Variants in RALB observed in about 807,000 individuals in gnomAD.
The protein encoded by RALB is ras-related protein Ral-B.
Under a neutral mutation model 21.3 loss-of-function variants are expected in RALB, and 16 were observed. The ratio of observed to expected loss-of-function variants is 0.75; its 90% confidence interval spans 0.51 to 1.14. The LOEUF (loss-of-function observed/expected upper bound fraction) is 1.14, where lower values mean the gene tolerates loss of function less well. Ranked by LOEUF, RALB falls within the 50% of genes most tolerant of loss-of-function variation. The pLI, the probability that RALB is intolerant of heterozygous loss-of-function variation, is 0.00. For synonymous variants in RALB, 93 were observed against 96.1 expected, an observed-to-expected ratio of 0.97 and a Z score of 0.19; for missense variants, 161 against 256.2, an observed-to-expected ratio of 0.63 and a Z score of 2.54.
intron 1 of RALB, among the ~76,000 whole-genome samples, chr2:120,264,974 A>G (rs1056315197): frequency 2.6e-5 from 4 of 152,140 alleles, no homozygotes; most frequent in African/African-American, 9.7e-5. Flanking sequence ...TTTACACCAC[A>G]TCTGATTTAT....
rs1690367069 is a variant in RALB, at chr2:120,294,006, G to A, written c.*746G>A. On this transcript the variant is annotated 3_prime_UTR_variant, in exon 5 of 5. Coordinates refer to ENST00000272519, the MANE Select transcript of RALB (RefSeq NM_002881.3). ...CCAAGTGAAGACTCAGGAATGGTGT[G>A]CATTATAAATGACACACATTGCCAC... 2 of 397,258 alleles carry A rather than the reference G, an allele frequency of 5.0e-6. No homozygotes were observed. The highest frequency in any genetic ancestry group is 2.8e-4 in the South Asian group (2 of 7,024). The allele number at this position is 397,258 out of a possible 1,614,324, so 24.6% of individuals were successfully genotyped here. A position where few individuals can be genotyped will look rare whatever the true frequency, so the allele number is the denominator to read the frequency against.
intron 1 of RALB, among the ~76,000 whole-genome samples, chr2:120,255,481 G>A (rs1558946088): frequency 2.0e-5 from 3 of 152,152 alleles, no homozygotes; most frequent in African/African-American, 2.4e-5. Context: ...ACCATGGGCT[G>A]TCTCCTTTAG....
intron 1 of RALB, among the ~76,000 whole-genome samples, chr2:120,278,107 T>G (rs1169944617): frequency 6.8e-6 from 1 of 147,146 alleles, no homozygotes; most frequent in Non-Finnish European, 1.5e-5. Context: ...GTGAGTGTGT[T>G]AGTGACCGTT....
At chr2:120,240,088 G>A in exon 1 of RALB, 1 of 1,289,684 alleles carries the variant, frequency 7.8e-7, no homozygotes, top group South Asian at 1.2e-5. Flanking sequence ...GAGAGCGGGT[G>A]GCAGGAGGAG....
In RALB at chr2:120,278,616, A is replaced by G. The variant is rs111420562; in HGVS notation, c.-47-2A>G. On this transcript the variant is annotated splice_acceptor_variant, in intron 1 of 4. Transcript: ENST00000272519. LOFTEE classifies it low-confidence loss of function (5UTR_SPLICE). ...CTAAGTCTTTGTCTTTGTCATCAGC[A>G]GCTCTTCAGTGGGTCATCTGTGTGT... 6.7e-7 allele frequency: 1 copy of G among 1,494,142 alleles called. No homozygotes were observed. The highest frequency in any genetic ancestry group is 8.9e-7 in the Non-Finnish European group (1 of 1,119,874). 92.6% of individuals were successfully genotyped at this position (1,494,142 alleles called of 1,614,324 possible).
intron 2 of RALB, among the ~76,000 whole-genome samples, chr2:120,280,089 C>T (rs959975633): frequency 3.3e-5 from 5 of 152,142 alleles, no homozygotes; most frequent in Admixed American, 1.3e-4. Context: ...GCGAACCTGT[C>T]CTGTGGCACC....
intron 3 of RALB, among the ~76,000 whole-genome samples, chr2:120,288,829 A>T (rs1690235813): frequency 6.6e-6 from 1 of 152,162 alleles, no homozygotes; most frequent in Non-Finnish European, 1.5e-5. Context: ...ACGTATTGGA[A>T]TGTGATTACT....
intron 1 of RALB, among the ~76,000 whole-genome samples, chr2:120,267,415 C>T (rs141669075): frequency 7.2e-5 from 11 of 152,116 alleles, no homozygotes; most frequent in Non-Finnish European, 1.3e-4. Flanking sequence ...TGAGTCATAA[C>T]GCGTATGAGC....
At chr2:120,246,560 C>T (rs1688974047) in intron 1 of RALB, among the ~76,000 whole-genome samples, 1 of 152,236 alleles carries the variant, frequency 6.6e-6, no homozygotes, top group Admixed American at 6.5e-5. Context: ...CTCGGGTCTT[C>T]ATGTCCTCTT....
chr2:120,265,626 T>C (rs1048616329), intron 1 of RALB, among the ~76,000 whole-genome samples: 2 of 152,216 alleles, frequency 1.3e-5, no homozygotes, highest in Admixed American at 1.3e-4. Context: ...CACCCCACTC[T>C]AATCCACTCA....
intron 1 of RALB, among the ~76,000 whole-genome samples, chr2:120,268,237 A>C (rs1332050160): frequency 1.3e-5 from 2 of 152,226 alleles, no homozygotes; most frequent in African/African-American, 4.8e-5. Flanking sequence ...GGCGAGAATC[A>C]CAGGGATGGT....
chr2:120,253,746 G>C (rs977577693), intron 1 of RALB: 50 of 981,870 alleles, frequency 5.1e-5, no homozygotes, highest in Non-Finnish European at 5.7e-5. Context: ...GTCTTCGGGA[G>C]AGAAGTGCTT....
chr2:120,277,511 C>CAT (rs56703394), intron 1 of RALB, among the ~76,000 whole-genome samples: 105,056 of 151,398 alleles, frequency 0.69, 36,990 homozygotes, highest in Middle Eastern at 0.8. Flanking sequence ...AGCATGTGAA[C>CAT]GTTAGAGCGT....
At chr2:120,266,227 C>T (rs1291130076) in intron 1 of RALB, among the ~76,000 whole-genome samples, 1 of 152,082 alleles carries the variant, frequency 6.6e-6, no homozygotes, top group Admixed American at 6.6e-5. Context: ...CCAGCCTGGA[C>T]AACATAGTCT....
intron 2 of RALB, among the ~76,000 whole-genome samples, chr2:120,281,483 C>G (rs1386275579): frequency 6.6e-6 from 1 of 152,174 alleles, no homozygotes; most frequent in Non-Finnish European, 1.5e-5. Context: ...ACTTTAATGT[C>G]CAGTATTACG....
At chr2:120,286,149 C>A in intron 3 of RALB, 67 bp downstream of exon 3, 1 of 1,384,296 alleles carries the variant, frequency 7.2e-7, no homozygotes, top group Non-Finnish European at 1.0e-6. Flanking sequence ...TGTCTTAGGC[C>A]TATGAAGAAT....
At chr2:120,274,464 C>A (rs1421810833) in intron 1 of RALB, among the ~76,000 whole-genome samples, 1 of 152,110 alleles carries the variant, frequency 6.6e-6, no homozygotes, top group African/African-American at 2.4e-5. Context: ...CAAGGCCTTT[C>A]ACAAACTGAT....
intron 2 of RALB, 116 bp from the exon 3 acceptor site, chr2:120,285,757 GT>G: frequency 1.3e-6 from 1 of 770,680 alleles, no homozygotes; most frequent in Non-Finnish European, 2.1e-6. Flanking sequence ...TACGTAAAAT[GT>G]TGCTTCTGTA....
chr2:120,242,251 G>C (rs1472286177), intron 1 of RALB, among the ~76,000 whole-genome samples: 2 of 152,216 alleles, frequency 1.3e-5, no homozygotes, highest in Admixed American at 6.5e-5. Flanking sequence ...CCAGGGGCTG[G>C]GGGCAGAGGA....
Sources: gnomAD v4.1 joint callset for allele counts (sites outside exome capture counted in the v4.1 genomes callset) on GRCh38, gnomAD v4.1.1 for gene constraint, MANE v1.5 for transcripts, NCBI Gene and HGNC (gene_info 2026-07-23, HGNC 2026-07-21) for gene names.